CRACR2A: variants seen among roughly 807,000 people sequenced by gnomAD.
The protein encoded by CRACR2A is calcium release activated channel regulator 2A.
Under a neutral mutation model 90.5 loss-of-function variants are expected in CRACR2A, and 79 were observed. The observed-to-expected ratio is 0.87, with a 90% CI of 0.73 to 1.05. The LOEUF is 1.05. Among genes scored for constraint, CRACR2A ranks in the 50% least tolerant of loss-of-function variants. The probability of loss-of-function intolerance (pLI) is 0.00; values close to 1 mark genes in which losing one functional copy is unlikely to be tolerated. For synonymous variants in CRACR2A, 338 were observed against 356.7 expected (o/e 0.95, Z 0.59); for missense variants, 823 against 897.2 (o/e 0.92, Z 1.06).
intron 12 of CRACR2A, among the ~76,000 whole-genome samples, chr12:3,643,848 TTA>T (rs1181557713): frequency 1.6e-5 from 1 of 61,436 alleles, no homozygotes; most frequent in African/African-American, 5.9e-5. Flanking sequence ...ATAATATATA[TTA>T]TATATTTATA....
intron 7 of CRACR2A, among the ~76,000 whole-genome samples, chr12:3,668,175 G>C (rs1945180388): frequency 6.6e-6 from 1 of 152,192 alleles, no homozygotes; most frequent in Non-Finnish European, 1.5e-5. Flanking sequence ...ACATGCATTA[G>C]ATTAAGTCAC....
chr12:3,714,555 T>A (rs1453234364), intron 2 of CRACR2A, among the ~76,000 whole-genome samples: 1 of 152,200 alleles, frequency 6.6e-6, no homozygotes, highest in East Asian at 1.9e-4. Flanking sequence ...TGCTGACACC[T>A]GAGAAACTCA....
chr12:3,659,296 T>C (rs1944979041), intron 8 of CRACR2A, among the ~76,000 whole-genome samples: 1 of 152,230 alleles, frequency 6.6e-6, no homozygotes, highest in African/African-American at 2.4e-5. Context: ...GCATTGTCTA[T>C]GTGCTGAGGA....
intron 9 of CRACR2A, among the ~76,000 whole-genome samples, chr12:3,655,052 A>G (rs565214666): frequency 3.2e-4 from 48 of 152,334 alleles, no homozygotes; most frequent in Non-Finnish European, 6.3e-4. Context: ...TGCTTTGCAG[A>G]GCTTCCAATC....
intron 1 of CRACR2A, among the ~76,000 whole-genome samples, chr12:3,734,623 G>A (rs1266872924): frequency 2.4e-5 from 2 of 82,896 alleles, no homozygotes; most frequent in Non-Finnish European, 4.7e-5. Context: ...ACTGTGAGGT[G>A]TGTGTATGTG....
rs1337085154 is a variant in CRACR2A at position 3,638,416 on chromosome 12, C to T, written c.1310G>A (p.Arg437Lys). 6.5e-7 allele frequency: 1 copy of T among 1,547,790 alleles called. No individual in the cohort carries two copies. The highest frequency in any genetic ancestry group is 1.4e-5 in the African/African-American group (1 of 72,900). ...TCCACTCAGGCCCAGGGAGCTTCTC[C>T]TTGGGATGCCAAACACCTCCTCCTC... Reference protein sequence around the residue: ...EEEEEVFGIPRRSSLGLSGYP... With the variant: ...EEEEEVFGIPKRSSLGLSGYP... Residue 437 changes from arginine to lysine, a missense_variant, in exon 14 of 20, where the codon AGG (arginine) becomes AAG (lysine). Physicochemically the swap from Arg to Lys is conservative, Grantham distance 26. Transcript: ENST00000440314.
intron 14 of CRACR2A, among the ~76,000 whole-genome samples, chr12:3,636,640 G>A (rs115180932): frequency 0.012 from 1,773 of 152,216 alleles, 34 homozygotes; most frequent in African/African-American, 0.04. Context: ...CACATTTTAC[G>A]GGGACATCTT....
intron 3 of CRACR2A, among the ~76,000 whole-genome samples, chr12:3,697,442 T>G (rs1296940478): frequency 6.6e-6 from 1 of 152,184 alleles, no homozygotes; most frequent in Non-Finnish European, 1.5e-5. Flanking sequence ...AATTCTCACA[T>G]CTCTCTGACA....
chr12:3,654,670 G>C (rs1436114050), intron 9 of CRACR2A, among the ~76,000 whole-genome samples: 2 of 152,186 alleles, frequency 1.3e-5, no homozygotes, highest in South Asian at 4.1e-4. Flanking sequence ...CACTCAAAAA[G>C]ACCACTAGCA....
intron 3 of CRACR2A, among the ~76,000 whole-genome samples, chr12:3,712,878 G>A (rs780096213): frequency 5.9e-5 from 9 of 152,058 alleles, no homozygotes; most frequent in Non-Finnish European, 1.0e-4. Context: ...ACCAGTGGCT[G>A]AGGAGCAGCT....
At chr12:3,706,259 C>T (rs191028067) in intron 3 of CRACR2A, among the ~76,000 whole-genome samples, 135 of 152,290 alleles carry the variant, frequency 8.9e-4, no homozygotes, top group Non-Finnish European at 9.6e-4. Context: ...ACCCTGATGG[C>T]GAGGAACAGA....
intron 17 of CRACR2A, among the ~76,000 whole-genome samples, chr12:3,626,971 G>A (rs1240472103): frequency 1.3e-5 from 2 of 152,134 alleles, no homozygotes; most frequent in Non-Finnish European, 2.9e-5. Context: ...AACATTGCAT[G>A]GTGTGGCTCC....
chr12:3,626,684 C>T (rs1205810596), intron 17 of CRACR2A, among the ~76,000 whole-genome samples: 2 of 152,070 alleles, frequency 1.3e-5, no homozygotes, highest in South Asian at 2.1e-4. Context: ...AGGAATCAGC[C>T]GAGGCCTGGC....
intron 1 of CRACR2A, among the ~76,000 whole-genome samples, chr12:3,742,706 G>A (rs1393460839): frequency 6.6e-6 from 1 of 152,196 alleles, no homozygotes; most frequent in Non-Finnish European, 1.5e-5. Flanking sequence ...TCTATAAGAT[G>A]GACAGAAGGA....
rs1200053841 is a variant in CRACR2A at position 3,707,887 on chromosome 12, C to T, written c.-37+5350G>A. The stretch of plus-strand genomic sequence containing the variant: ...CTTTTGTTTTGTTTTTGCAATTATG[C>T]TGTAATATAAGCAAGTAAAGTAACA... On this transcript the variant is annotated intron_variant, in intron 3 of 19. Coordinates refer to ENST00000440314, the MANE Select transcript of CRACR2A (RefSeq NM_001144958.2). Among the ~76,000 whole-genome samples the T allele has an allele frequency of 4.6e-5, 7 of 152,232 alleles. No individual in the cohort carries two copies. The East Asian group carries it at 1.4e-3, about 29-fold the overall frequency.
intron 3 of CRACR2A, among the ~76,000 whole-genome samples, chr12:3,710,466 T>C (rs566085024): frequency 4.7e-4 from 72 of 152,170 alleles, no homozygotes; most frequent in African/African-American, 1.7e-3. Flanking sequence ...GAGTTGCAGA[T>C]TGCAACTTCT....
intron 2 of CRACR2A, among the ~76,000 whole-genome samples, chr12:3,721,624 T>C (rs1239772177): frequency 6.7e-6 from 1 of 150,358 alleles, no homozygotes; most frequent in Non-Finnish European, 1.5e-5. Context: ...GTTATTCTTC[T>C]CCTCAAATAG....
chr12:3,729,937 T>C (rs1173949954), intron 2 of CRACR2A: 2 of 152,216 alleles, frequency 1.3e-5, no homozygotes, highest in African/African-American at 4.8e-5. Context: ...TCTGACTGTC[T>C]TGTATTTCAT....
intron 1 of CRACR2A, among the ~76,000 whole-genome samples, chr12:3,745,825 T>TAAAATAAAATAAAAGAAAAGAAAGAAAG (rs149739964): frequency 3.0e-5 from 3 of 100,486 alleles, no homozygotes; most frequent in African/African-American, 1.2e-4. Context: ...TAAAATAAAA[T>TAAAATAAAATAAAAGAAAAGAAAGAAAG]AAAGAAAGAA....
Sources: allele counts gnomAD v4.1 joint callset (sites outside exome capture counted in the v4.1 genomes callset), GRCh38; gene constraint gnomAD v4.1.1; transcripts MANE v1.5; gene names NCBI Gene and HGNC (gene_info 2026-07-23, HGNC 2026-07-21).